NAALADL2: variants seen among roughly 807,000 people sequenced by gnomAD.
NAALADL2 encodes inactive N-acetylated-alpha-linked acidic dipeptidase-like protein 2.
A neutral mutation model predicts 87.2 loss-of-function variants in NAALADL2; 76 were observed. The observed-to-expected ratio is 0.87, with a 90% confidence interval of 0.72 to 1.05. The LOEUF is 1.05. Ranked by LOEUF, NAALADL2 falls within the 50% of genes least tolerant of loss-of-function variation. The pLI, the probability that NAALADL2 is intolerant of heterozygous loss-of-function variation, is 0.00. For synonymous variants in NAALADL2, 354 were observed against 331.0 expected (o/e 1.07, Z -0.75); for missense variants, 1,089 against 945.8 (o/e 1.15, Z -1.99).
intron 3 of NAALADL2, among the ~76,000 whole-genome samples, chr3:174,828,277 A>G (rs1406266072): frequency 6.6e-6 from 1 of 152,202 alleles, no homozygotes; most frequent in Non-Finnish European, 1.5e-5. Flanking sequence ...GCTGCTCTTC[A>G]CTTCTTTCCC....
chr3:175,022,641 T>C (rs1288041575), intron 1 of NAALADL2, among the ~76,000 whole-genome samples: 1 of 152,086 alleles, frequency 6.6e-6, no homozygotes, highest in Non-Finnish European at 1.5e-5. Context: ...TTAATCCTGT[T>C]TGTGATCCAG....
intron 2 of NAALADL2, among the ~76,000 whole-genome samples, chr3:175,123,760 C>T (rs1210738360): frequency 6.6e-6 from 1 of 151,938 alleles, no homozygotes; most frequent in African/African-American, 2.4e-5. Context: ...AAAGCCCTTA[C>T]CAATCTTCTA....
chr3:174,655,287 C>T (rs1407234925), intron 2 of NAALADL2, among the ~76,000 whole-genome samples: 3 of 151,142 alleles, frequency 2.0e-5, no homozygotes, highest in Non-Finnish European at 4.4e-5. Context: ...TTTAAGCCAC[C>T]ACCGTAAACT....
chr3:175,084,492 T>C (rs1479107984), intron 1 of NAALADL2, among the ~76,000 whole-genome samples: 12 of 152,320 alleles, frequency 7.9e-5, no homozygotes, highest in African/African-American at 2.9e-4. Context: ...CTCAGGGCTA[T>C]AAGAATTCCT....
intron 10 of NAALADL2, among the ~76,000 whole-genome samples, chr3:175,584,225 T>C (rs1720215177): frequency 1.3e-5 from 2 of 151,856 alleles, no homozygotes; most frequent in Non-Finnish European, 2.9e-5. Flanking sequence ...TTTAGTAGAG[T>C]TGGGGTATCA....
intron 5 of NAALADL2, among the ~76,000 whole-genome samples, chr3:175,444,322 A>T (rs1034169634): frequency 6.6e-6 from 1 of 152,194 alleles, no homozygotes; most frequent in Non-Finnish European, 1.5e-5. Context: ...ACATACTGGG[A>T]AAACCAGATG....
chr3:175,168,925 T>C (rs1451581113), intron 2 of NAALADL2, among the ~76,000 whole-genome samples: 1 of 151,856 alleles, frequency 6.6e-6, no homozygotes, highest in African/African-American at 2.4e-5. Context: ...AGATCAAACA[T>C]TTTAGTATAT....
At chr3:174,583,055 A>G (rs1413310295) in intron 2 of NAALADL2, among the ~76,000 whole-genome samples, 1 of 152,210 alleles carries the variant, frequency 6.6e-6, no homozygotes, top group Non-Finnish European at 1.5e-5. Flanking sequence ...GGAAAGCCAT[A>G]TTTGCCTTTT....
At chr3:175,133,784 G>A (rs1441534368) in intron 2 of NAALADL2, among the ~76,000 whole-genome samples, 1 of 152,144 alleles carries the variant, frequency 6.6e-6, no homozygotes, top group East Asian at 1.9e-4. Flanking sequence ...TGATGCTACT[G>A]TCAGTGGAAT....
At chr3:175,345,235 C>T (rs1013513290) in intron 5 of NAALADL2, among the ~76,000 whole-genome samples, 4 of 64,362 alleles carry the variant, frequency 6.2e-5, no homozygotes, top group Admixed American at 3.5e-4. Flanking sequence ...AATTGAGTAA[C>T]CTTCCTAAGG....
At chr3:175,665,413 A>T in intron 11 of NAALADL2, among the ~76,000 whole-genome samples, 1 of 152,206 alleles carries the variant, frequency 6.6e-6, no homozygotes, top group East Asian at 1.9e-4. Flanking sequence ...AGAGAGCAAT[A>T]CTTTAAATGT....
intron 4 of NAALADL2, among the ~76,000 whole-genome samples, chr3:175,286,254 A>C (rs1263316981): frequency 6.6e-6 from 1 of 152,186 alleles, no homozygotes; most frequent in Non-Finnish European, 1.5e-5. Flanking sequence ...GGGAAAAATC[A>C]AGCCTTGTGT....
intron 2 of NAALADL2, among the ~76,000 whole-genome samples, chr3:174,587,844 A>T (rs867670613): frequency 1.2e-4 from 18 of 152,040 alleles, no homozygotes; most frequent in Admixed American, 9.2e-4. Context: ...GAATCTGACA[A>T]TTATGTGTCT....
chr3:175,491,405 G>A (rs888902874), intron 9 of NAALADL2, among the ~76,000 whole-genome samples: 12 of 151,554 alleles, frequency 7.9e-5, no homozygotes, highest in African/African-American at 2.2e-4. Context: ...CTTATCTAAA[G>A]CTTCTTAATA....
At chr3:175,376,808 C>CT (rs1243409289) in intron 5 of NAALADL2, among the ~76,000 whole-genome samples, 4 of 152,058 alleles carry the variant, frequency 2.6e-5, no homozygotes, top group African/African-American at 9.7e-5. Flanking sequence ...ATCAGCCTTT[C>CT]TTTTTATTTT....
chr3:175,532,664 T>G (rs1734239062), intron 9 of NAALADL2, among the ~76,000 whole-genome samples: 1 of 152,214 alleles, frequency 6.6e-6, no homozygotes, highest in Non-Finnish European at 1.5e-5. Flanking sequence ...AATTGCTAAT[T>G]GGTCTCTGCT....
intron 1 of NAALADL2, among the ~76,000 whole-genome samples, chr3:174,483,844 G>C (rs1343521344): frequency 6.6e-6 from 1 of 151,978 alleles, no homozygotes; most frequent in Non-Finnish European, 1.5e-5. Flanking sequence ...TGTTTAGGCA[G>C]AGGCTATAAA....
In NAALADL2 at chr3:175,467,128, T is replaced by G; in HGVS notation, c.1477T>G (p.Phe493Val). ...RGWRPDRTIV[F>V]CSWGGTAFGN... is the part of the protein sequence containing the mutation. ...GTGGAGACCAGACCGAACTATTGTT[T>G]TCTGTTCTTGGGGAGGAACAGCTTT... Residue 493 changes from phenylalanine to valine, a missense_variant, in exon 8 of 14, where the codon TTC (phenylalanine) becomes GTC (valine). Coordinates refer to ENST00000454872, the MANE Select transcript of NAALADL2 (RefSeq NM_207015.3). 1 of 1,613,950 alleles carries G rather than the reference T, an allele frequency of 6.2e-7. No homozygotes were observed. The highest frequency in any genetic ancestry group is 1.3e-5 in the African/African-American group (1 of 75,044).
chr3:175,110,461 A>C (rs1267678864), intron 2 of NAALADL2, among the ~76,000 whole-genome samples: 1 of 151,770 alleles, frequency 6.6e-6, no homozygotes, highest in Non-Finnish European at 1.5e-5. Context: ...GTATAGGGAC[A>C]GGGTTTTGGG....
Sources: allele counts gnomAD v4.1 joint callset (sites outside exome capture counted in the v4.1 genomes callset), GRCh38; gene constraint gnomAD v4.1.1; transcripts MANE v1.5; gene names NCBI Gene and HGNC (gene_info 2026-07-23, HGNC 2026-07-21).